The following TMTC2 variants were observed in gnomAD, a reference collection of about 807,000 sequenced individuals.
TMTC2 encodes transmembrane O-mannosyltransferase targeting cadherins 2.
In TMTC2, 43 loss-of-function variants were observed where a neutral mutation model predicts 82.4. That is an observed-to-expected ratio of 0.52 (90% CI 0.41 to 0.67). The LOEUF (loss-of-function observed/expected upper bound fraction) is 0.67. TMTC2 is among the 30% of genes least tolerant of loss of function. TMTC2 has a pLI of 0.00. For synonymous variants in TMTC2, 408 were observed against 381.9 expected, an observed-to-expected ratio of 1.07 and a Z score of -0.80; for missense variants, 919 against 1,012.4, an observed-to-expected ratio of 0.91 and a Z score of 1.25.
chr12:83,007,667 G>T (rs780004080), intron 8 of TMTC2, among the ~76,000 whole-genome samples: 1 of 151,960 alleles, frequency 6.6e-6, no homozygotes, highest in Non-Finnish European at 1.5e-5. Flanking sequence ...CAGTTATTTA[G>T]ATAAGCTCAG....
chr12:82,832,244 A>G (rs919195627), intron 1 of TMTC2, among the ~76,000 whole-genome samples: 1 of 152,052 alleles, frequency 6.6e-6, no homozygotes, highest in African/African-American at 2.4e-5. Context: ...AAAAATCTTT[A>G]AAATATAACT....
chr12:82,810,522 G>T (rs1223043779), intron 1 of TMTC2, among the ~76,000 whole-genome samples: 5 of 151,482 alleles, frequency 3.3e-5, no homozygotes, highest in African/African-American at 1.2e-4. Context: ...CCCAAAATTG[G>T]GTCTGTAAGA....
intron 1 of TMTC2, among the ~76,000 whole-genome samples, chr12:82,835,558 T>G (rs952678398): frequency 6.6e-6 from 1 of 152,234 alleles, no homozygotes; most frequent in Non-Finnish European, 1.5e-5. Flanking sequence ...TTTCAGGATC[T>G]TTTTGGATAC....
chr12:83,032,265 AT>A (rs1369464654), intron 9 of TMTC2, among the ~76,000 whole-genome samples: 7 of 15,614 alleles, frequency 4.5e-4, no homozygotes, highest in African/African-American at 1.4e-3. Context: ...TTTTATATAT[AT>A]ATATATATAT....
chr12:82,865,347 C>T (rs1051720287), intron 2 of TMTC2, among the ~76,000 whole-genome samples: 3 of 152,126 alleles, frequency 2.0e-5, no homozygotes, highest in African/African-American at 7.2e-5. Flanking sequence ...CAAAAAATGA[C>T]AGGGGTTGCA....
At chr12:83,011,302 G>A (rs1221692190) in intron 8 of TMTC2, among the ~76,000 whole-genome samples, 3 of 152,086 alleles carry the variant, frequency 2.0e-5, no homozygotes, top group African/African-American at 7.2e-5. Flanking sequence ...TATTAGCTCT[G>A]TGATTTGGGG....
rs187473809 is a variant in TMTC2 at position 83,075,278 on chromosome 12, C to G, written c.2331+13447C>G. Among the ~76,000 whole-genome samples the G allele has an allele frequency of 2.5e-3, 384 of 152,238 alleles. 2 individuals are homozygous for G. The highest frequency in any genetic ancestry group is 6.8e-3 in the Middle Eastern group (2 of 294). ...CACTTCCTTCAAAGGGTCTGTGGGT[C>G]CTCTCAGGATTGCTGGATTGTTCTT... On this transcript the variant is annotated intron_variant, in intron 11 of 11. Coordinates refer to ENST00000321196, the MANE Select transcript of TMTC2 (RefSeq NM_152588.3).
intron 3 of TMTC2, among the ~76,000 whole-genome samples, chr12:82,897,360 A>T (rs1321434165): frequency 6.6e-6 from 1 of 152,222 alleles, no homozygotes; most frequent in Admixed American, 6.5e-5. Context: ...AGTAGAAAGT[A>T]GTTTCCTTTA....
chr12:82,822,568 A>G (rs1338303364), intron 1 of TMTC2, among the ~76,000 whole-genome samples: 1 of 152,214 alleles, frequency 6.6e-6, no homozygotes, highest in Admixed American at 6.5e-5. Flanking sequence ...ATGAAATACC[A>G]TACTAAAACT....
intron 11 of TMTC2, among the ~76,000 whole-genome samples, chr12:83,105,742 G>A (rs1384476007): frequency 2.0e-5 from 3 of 152,140 alleles, no homozygotes; most frequent in Non-Finnish European, 4.4e-5. Context: ...CTATATCTAG[G>A]TGGTAGTACT....
At chr12:83,023,951 G>A in intron 8 of TMTC2, among the ~76,000 whole-genome samples, 1 of 152,182 alleles carries the variant, frequency 6.6e-6, no homozygotes, top group East Asian at 1.9e-4. Context: ...ATTAATATCA[G>A]TTAACTGTTC....
intron 11 of TMTC2, among the ~76,000 whole-genome samples, chr12:83,062,996 G>A (rs1310949753): frequency 1.3e-5 from 2 of 151,802 alleles, no homozygotes; most frequent in African/African-American, 4.8e-5. Flanking sequence ...AAACAAAAGA[G>A]AGATTAACAA....
intron 8 of TMTC2, among the ~76,000 whole-genome samples, chr12:82,988,705 CT>C (rs1879276797): frequency 6.6e-6 from 1 of 151,552 alleles, no homozygotes; most frequent in South Asian, 2.1e-4. Flanking sequence ...CCAGCCCACC[CT>C]TTTTGCTTAC....
intron 3 of TMTC2, among the ~76,000 whole-genome samples, chr12:82,913,282 T>C (rs1359555952): frequency 6.6e-6 from 1 of 152,108 alleles, no homozygotes; most frequent in Admixed American, 6.6e-5. Flanking sequence ...TGTGGTACCA[T>C]TCCAGAAGCA....
chr12:83,034,786 T>C (rs1592707957), intron 9 of TMTC2, among the ~76,000 whole-genome samples: 1 of 152,222 alleles, frequency 6.6e-6, no homozygotes, highest in African/African-American at 2.4e-5. Context: ...TTGAGCTCAG[T>C]TAGGAATATC....
intron 9 of TMTC2, among the ~76,000 whole-genome samples, chr12:83,034,130 C>T (rs552435801): frequency 1.3e-5 from 2 of 152,044 alleles, no homozygotes; most frequent in South Asian, 4.2e-4. Context: ...GGTGCAACCA[C>T]ACTGTTCTGT....
intron 1 of TMTC2, among the ~76,000 whole-genome samples, chr12:82,690,111 A>G (rs1872515886): frequency 6.6e-6 from 1 of 152,232 alleles, no homozygotes; most frequent in Admixed American, 6.5e-5. Context: ...AAGTTACACT[A>G]TAAATTGTGG....
intron 11 of TMTC2, among the ~76,000 whole-genome samples, chr12:83,065,371 A>T (rs1245292297): frequency 6.6e-6 from 1 of 151,948 alleles, no homozygotes; most frequent in Non-Finnish European, 1.5e-5. Flanking sequence ...ATAATGAAAG[A>T]TGTCTAAATT....
chr12:82,912,532 T>A (rs1176021875), intron 3 of TMTC2, among the ~76,000 whole-genome samples: 1 of 152,254 alleles, frequency 6.6e-6, no homozygotes, highest in Non-Finnish European at 1.5e-5. Context: ...GTCAGTTGAC[T>A]TAATCTCTTT....
Sources: gnomAD v4.1 joint callset for allele counts (sites outside exome capture counted in the v4.1 genomes callset) on GRCh38, gnomAD v4.1.1 for gene constraint, MANE v1.5 for transcripts, NCBI Gene and HGNC (gene_info 2026-07-23, HGNC 2026-07-21) for gene names.